Variants in SBNO2 observed in about 807,000 individuals in gnomAD.
SBNO2 encodes the protein protein strawberry notch homolog 2.
Under a neutral mutation model 146.3 loss-of-function variants are expected in SBNO2, and 89 were observed. The ratio of observed to expected loss-of-function variants is 0.61; its 90% CI spans 0.51 to 0.73. The LOEUF (loss-of-function observed/expected upper bound fraction) is 0.73, where lower values mean the gene tolerates loss of function less well. SBNO2 is among the 30% of genes least tolerant of loss of function. The pLI is 0.00. For synonymous variants in SBNO2, 1,147 were observed against 892.6 expected (o/e 1.29, Z -5.08); for missense variants, 2,092 against 2,003.7 (o/e 1.04, Z -0.84).
intron 14 of SBNO2, among the ~76,000 whole-genome samples, chr19:1,117,882 T>C (rs2079852351): frequency 6.6e-6 from 1 of 152,128 alleles, no homozygotes; most frequent in African/African-American, 2.4e-5. Flanking sequence ...GTGGTCAGGT[T>C]TGGGGGCTGG....
intron 4 of SBNO2, among the ~76,000 whole-genome samples, chr19:1,141,593 C>CA (rs935067915): frequency 9.9e-5 from 15 of 151,970 alleles, no homozygotes; most frequent in African/African-American, 3.6e-4. Context: ...CCTTCATGGA[C>CA]AAACACAGTG....
At chr19:1,119,856 G>A (rs1294477098) in intron 12 of SBNO2, 50 bp downstream of exon 12, 3 of 1,391,138 alleles carry the variant, frequency 2.2e-6, no homozygotes, top group Non-Finnish European at 3.0e-6. Flanking sequence ...GGACAGCCAG[G>A]CAGAAAGACG....
At chr19:1,155,379 C>T (rs994792496) in intron 1 of SBNO2, among the ~76,000 whole-genome samples, 2 of 152,142 alleles carry the variant, frequency 1.3e-5, no homozygotes, top group African/African-American at 2.4e-5. Context: ...TGGAGGTGGT[C>T]AGGCACAGTG....
At chr19:1,153,024 G>A (rs376573092) in intron 2 of SBNO2, among the ~76,000 whole-genome samples, 12 of 151,860 alleles carry the variant, frequency 7.9e-5, no homozygotes, top group African/African-American at 1.7e-4. Flanking sequence ...GCATGGTGGC[G>A]CGTACCTGTG....
intron 1 of SBNO2, among the ~76,000 whole-genome samples, chr19:1,155,942 G>GAGCT (rs2080286344): frequency 6.6e-6 from 1 of 152,212 alleles, no homozygotes; most frequent in Non-Finnish European, 1.5e-5. Flanking sequence ...CACAGCCCCA[G>GAGCT]AGCTACGCTG....
chr19:1,145,878 T>C (rs1424420514), intron 4 of SBNO2, among the ~76,000 whole-genome samples: 1 of 152,088 alleles, frequency 6.6e-6, no homozygotes, highest in Non-Finnish European at 1.5e-5. Context: ...CCCCCTCCCC[T>C]GAACACAGCT....
Position 1,108,298 on chromosome 19 carries a change from G to GCCCCCCGCC in SBNO2, c.4014_4022dup (p.Gly1340_Ala1342dup), listed in dbSNP as rs1555717317. The GCCCCCCGCC allele has an allele frequency of 8.1e-6, 12 of 1,482,258 alleles. No individual in the cohort carries two copies. Among genetic ancestry groups the GCCCCCCGCC allele is most frequent in the Middle Eastern group, 2.4e-4 (1 of 4,110 alleles). The allele number at this position is 1,482,258 out of a possible 1,614,324, so 91.8% of individuals were successfully genotyped here. A position where few individuals can be genotyped will look rare whatever the true frequency, so the allele number is the denominator to read the frequency against. On this transcript the variant is annotated inframe_insertion, in exon 32 of 32. Transcript: ENST00000361757. The stretch of plus-strand genomic sequence containing the variant: ...GCCGCTCGGGACCACCGCCCGCCGC[G>GCCCCCCGCC]CCCCCCGCCCCCGCGCCCTCCCCCA...
Position 1,112,992 on chromosome 19 carries a change from C to A in SBNO2, c.2248-43G>T. 6.6e-7 allele frequency: 1 copy of A among 1,522,808 alleles called. No individual in the cohort carries two copies. 94.3% of individuals were successfully genotyped at this position (1,522,808 alleles called of 1,614,324 possible). ...ACAAAACCGGCCGTCAGTGTTGTGG[C>A]CTCGCAGGAGTCTGGCCACCCGTGT... On this transcript the variant is annotated intron_variant, in intron 19 of 31. Coordinates refer to ENST00000361757, the MANE Select transcript of SBNO2 (RefSeq NM_014963.3). This position sits in a 1 kb window ranked among gnomAD's most constrained non-coding sequence, Gnocchi z 5.9.
At chr19:1,129,987 CCA>C (rs1351293204) in intron 4 of SBNO2, among the ~76,000 whole-genome samples, 3 of 152,140 alleles carry the variant, frequency 2.0e-5, no homozygotes, top group African/African-American at 7.2e-5. Context: ...AACTCCTGCC[CCA>C]GTCTGAGGAA....
rs749888502 is a variant in SBNO2 at position 1,111,979 on chromosome 19, T to C, written c.2700+17A>G. On this transcript the variant is annotated intron_variant, in intron 23 of 31. Transcript: ENST00000361757. ...CTGCCCCTGCCCCGCCCCCCAACCC[T>C]GCCTTCCCTGCAGTACCTTGTTCTC... 5 of 975,782 alleles carry C rather than the reference T, an allele frequency of 5.1e-6. No individual in the cohort carries two copies. Among genetic ancestry groups the C allele is most frequent in the African/African-American group, 1.8e-5 (1 of 56,254 alleles). 60.4% of individuals were successfully genotyped at this position (975,782 alleles called of 1,614,324 possible).
In SBNO2 at chr19:1,150,638, T is replaced by A. The variant is rs900569011; in HGVS notation, c.94-1196A>T. Among the ~76,000 whole-genome samples the A allele has an allele frequency of 6.6e-6, 1 of 152,058 alleles. No individual in the cohort carries two copies. Among genetic ancestry groups the A allele is most frequent in the African/African-American group, 2.4e-5 (1 of 41,406 alleles). ...CAGCAGGACTGGGGGCCACGCTGGC[T>A]TCCAGAACAGGGTTGGGGGTTCGCC... On this transcript the variant is annotated intron_variant, in intron 2 of 31. Transcript: ENST00000361757. The surrounding 1 kb of genome is among the most constrained non-coding windows in gnomAD (Gnocchi z 6.2).
At chr19:1,142,114 CATGATCAA>C (rs1568608747) in intron 4 of SBNO2, among the ~76,000 whole-genome samples, 2 of 123,644 alleles carry the variant, frequency 1.6e-5, no homozygotes, top group African/African-American at 3.1e-5. Flanking sequence ...TGACCTCCCT[CATGATCAA>C]CCCTCCCTCA....
At chr19:1,124,528 C>T (rs1376208382) in intron 5 of SBNO2, among the ~76,000 whole-genome samples, 1 of 152,200 alleles carries the variant, frequency 6.6e-6, no homozygotes, top group East Asian at 1.9e-4. Context: ...GGCCTTGTCC[C>T]TCACCCGATG....
intron 1 of SBNO2, among the ~76,000 whole-genome samples, chr19:1,169,768 A>G (rs2080460148): frequency 6.6e-6 from 1 of 152,148 alleles, no homozygotes; most frequent in Admixed American, 6.5e-5. Context: ...TCTGTTAAAC[A>G]CTTTTATTTT....
At chr19:1,115,082 A>G in intron 17 of SBNO2, among the ~76,000 whole-genome samples, 1 of 151,636 alleles carries the variant, frequency 6.6e-6, no homozygotes, top group Non-Finnish European at 1.5e-5. Context: ...AGCATGCACC[A>G]CCACACCTGG....
In SBNO2 at chr19:1,150,357, G is replaced by T. The variant is rs970827425; in HGVS notation, c.94-915C>A. On this transcript the variant is annotated intron_variant, in intron 2 of 31. Transcript: ENST00000361757. This position sits in a 1 kb window ranked among gnomAD's most constrained non-coding sequence, Gnocchi z 6.2. ...GGGGGCAGGGCTGTGGACACCTCGT[G>T]CCCTGCAGAATGGGCACCCCTCAGC... Among the ~76,000 whole-genome samples the T allele has an allele frequency of 1.3e-5, 2 of 152,106 alleles. No individual in the cohort carries two copies. Among genetic ancestry groups the T allele is most frequent in the Admixed American group, 1.3e-4 (2 of 15,278 alleles).
chr19:1,115,721 C>T (rs1277938926), intron 17 of SBNO2: 7 of 506,112 alleles, frequency 1.4e-5, no homozygotes, highest in Admixed American at 3.6e-5. Flanking sequence ...ACCCTGAAAA[C>T]GGAAGGTGGG....
Position 1,110,730 on chromosome 19 carries a change from G to C in SBNO2, c.3028+15C>G. 1 of 1,512,896 alleles carries C rather than the reference G, an allele frequency of 6.6e-7. No homozygotes were observed. 93.7% of individuals were successfully genotyped at this position (1,512,896 alleles called of 1,614,324 possible). A position where few individuals can be genotyped will look rare whatever the true frequency, so the allele number is the denominator to read the frequency against. On this transcript the variant is annotated intron_variant, in intron 26 of 31. Transcript: ENST00000361757. The surrounding 1 kb of genome is among the most constrained non-coding windows in gnomAD (Gnocchi z 4.9). Reference sequence around the variant, plus strand: ...CCCACACCCACCCACACCACACCCCGGCACCTGTGCTCACCCAGGATGCCC... The same window carrying C: ...CCCACACCCACCCACACCACACCCCCGCACCTGTGCTCACCCAGGATGCCC...
chr19:1,140,915 T>C lies in SBNO2; in HGVS notation c.279+6394A>G, dbSNP rs12461379. 0.068 allele frequency among the ~76,000 whole-genome samples: 10,322 copies of C among 152,192 alleles called. 549 individuals are homozygous for C. Among genetic ancestry groups the C allele is most frequent in the Admixed American group, 0.19 (2,876 of 15,284 alleles). ...CCAGGCACTCCGGTCCACGCCGCACTGTACATGGTGCCGTCTGAGGGATTC... is the reference window on the plus strand; with the variant it reads ...CCAGGCACTCCGGTCCACGCCGCACCGTACATGGTGCCGTCTGAGGGATTC... On this transcript the variant is annotated intron_variant, in intron 4 of 31. Transcript: ENST00000361757. The surrounding 1 kb of genome is among the most constrained non-coding windows in gnomAD (Gnocchi z 4.4).
Sources: gnomAD v4.1 joint callset for allele counts (sites outside exome capture counted in the v4.1 genomes callset) on GRCh38, gnomAD v4.1.1 for gene constraint, Gnocchi (gnomAD v3.1) non-coding constraint, MANE v1.5 for transcripts, NCBI Gene and HGNC (gene_info 2026-07-23, HGNC 2026-07-21) for gene names.